The following NAPB variants were observed in gnomAD, a reference collection of about 807,000 sequenced individuals.
The protein encoded by NAPB is beta-soluble NSF attachment protein.
NAPB carries 26 observed loss-of-function variants against 44.7 expected under a neutral mutation model. The ratio of observed to expected loss-of-function variants is 0.58; its 90% confidence interval spans 0.43 to 0.81. NAPB has a LOEUF of 0.81. Among genes scored for constraint, NAPB ranks in the 30% least tolerant of loss-of-function variants. NAPB has a pLI of 0.00. For missense variants in NAPB, 315 were observed against 356.4 expected (o/e 0.88, Z 0.94); for synonymous variants, 120 against 116.8 (o/e 1.03, Z -0.18).
chr20:23,390,341 T>C (rs1983855678), intron 5 of NAPB, 77 bp from the exon 6 acceptor site: 3 of 1,255,708 alleles, frequency 2.4e-6, no homozygotes, highest in Middle Eastern at 1.9e-4. Flanking sequence ...CATAGGTATT[T>C]TTCCATAAAT....
At position 23,421,247 on chromosome 20, in the gene NAPB, G is replaced by A. The variant is rs1040323407; in HGVS notation, c.98+58C>T. ...GGGACTCGGGGGGTCAGCCTGAAAG[G>A]AAGGGGGCCAAGTACGGAGACCCCC... On this transcript the variant is annotated intron_variant, in intron 1 of 10. Coordinates refer to ENST00000377026, the MANE Select transcript of NAPB (RefSeq NM_022080.3). 5 of 1,430,716 alleles carry A rather than the reference G, an allele frequency of 3.5e-6. No homozygotes were observed. In the African/African-American group the frequency reaches 5.1e-5, roughly 15 times the overall value. The allele number at this position is 1,430,716 out of a possible 1,614,324, so 88.6% of individuals were successfully genotyped here. A position where few individuals can be genotyped will look rare whatever the true frequency, so the allele number is the denominator to read the frequency against.
intron 7 of NAPB, among the ~76,000 whole-genome samples, chr20:23,387,649 A>T (rs1008590587): frequency 2.0e-5 from 3 of 152,262 alleles, no homozygotes; most frequent in African/African-American, 7.2e-5. Context: ...GCGTCAAAAA[A>T]AAAATAAAAT....
At chr20:23,392,023 G>T (rs1983996719) in intron 5 of NAPB, among the ~76,000 whole-genome samples, 1 of 152,190 alleles carries the variant, frequency 6.6e-6, no homozygotes, top group Non-Finnish European at 1.5e-5. Context: ...AACAAAACAG[G>T]CCATGGAACT....
chr20:23,402,783 G>GCTT (rs1365359550), intron 2 of NAPB, among the ~76,000 whole-genome samples: 28 of 152,138 alleles, frequency 1.8e-4, no homozygotes, highest in Non-Finnish European at 5.9e-5. Context: ...CTGTCCCTGT[G>GCTT]CTTAAACTTA....
chr20:23,382,122 G>C (rs1983057253), intron 7 of NAPB, among the ~76,000 whole-genome samples: 1 of 152,170 alleles, frequency 6.6e-6, no homozygotes, highest in South Asian at 2.1e-4. Flanking sequence ...GTCTAGTGGA[G>C]GGTGAAGACT....
chr20:23,379,814 T>G, intron 9 of NAPB, 53 bp downstream of exon 9: 1 of 1,335,160 alleles, frequency 7.5e-7, no homozygotes, highest in Non-Finnish European at 1.1e-6. Flanking sequence ...CACTTAGGTG[T>G]TGTCACCTAA....
chr20:23,390,056 G>A (rs764206188), intron 6 of NAPB, 26 bp from the exon 7 acceptor site: 3 of 1,610,830 alleles, frequency 1.9e-6, no homozygotes, highest in Non-Finnish European at 2.5e-6. Context: ...AAAGCAGAGT[G>A]AGTAACAAGT....
intron 2 of NAPB, among the ~76,000 whole-genome samples, chr20:23,398,386 T>C (rs575262022): frequency 3.2e-4 from 49 of 152,294 alleles, no homozygotes; most frequent in African/African-American, 1.2e-3. Flanking sequence ...TTTCTTTTTT[T>C]CAAGACAGGG....
chr20:23,412,326 T>C (rs1395042768), intron 1 of NAPB, among the ~76,000 whole-genome samples: 1 of 152,202 alleles, frequency 6.6e-6, no homozygotes, highest in Non-Finnish European at 1.5e-5. Context: ...ACAGACAGCA[T>C]GTATGATCCT....
intron 1 of NAPB, among the ~76,000 whole-genome samples, chr20:23,405,329 A>T (rs67120955): frequency 2.7e-4 from 22 of 80,106 alleles, no homozygotes; most frequent in African/African-American, 8.1e-4. Context: ...GAGAGAGAGA[A>T]AGAAAGAAAG....
intron 5 of NAPB, 139 bp downstream of exon 5, chr20:23,394,783 G>A (rs1984229301): frequency 1.4e-6 from 1 of 725,832 alleles, no homozygotes. Context: ...CCAGCTAGTA[G>A]ACTTTGCCAG....
chr20:23,383,442 C>T (rs1366854600), intron 7 of NAPB, among the ~76,000 whole-genome samples: 3 of 151,974 alleles, frequency 2.0e-5, no homozygotes, highest in African/African-American at 7.3e-5. Context: ...GCCGACTAGG[C>T]GTTGTGGCTC....
intron 5 of NAPB, among the ~76,000 whole-genome samples, chr20:23,393,595 C>T (rs1984132614): frequency 6.6e-6 from 1 of 152,144 alleles, no homozygotes; most frequent in Admixed American, 6.5e-5. Context: ...TCTGCTGACA[C>T]GTGTGCCCAA....
chr20:23,389,085 GA>G (rs1214889892), intron 7 of NAPB, among the ~76,000 whole-genome samples: 1 of 151,938 alleles, frequency 6.6e-6, no homozygotes, highest in African/African-American at 2.4e-5. Context: ...AAAATCCGGA[GA>G]AAGTACTGGA....
chr20:23,381,477 T>C (rs1344925681), intron 7 of NAPB, among the ~76,000 whole-genome samples, 160 bp from the exon 8 acceptor site: 1 of 152,218 alleles, frequency 6.6e-6, no homozygotes, highest in Non-Finnish European at 1.5e-5. Flanking sequence ...GAAATTTTAC[T>C]AGACAAGACC....
intron 1 of NAPB, among the ~76,000 whole-genome samples, chr20:23,414,037 T>A (rs947840588): frequency 4.6e-5 from 7 of 152,148 alleles, no homozygotes; most frequent in Non-Finnish European, 7.4e-5. Flanking sequence ...AAAAACAGAA[T>A]CTAGGCCAGG....
intron 1 of NAPB, among the ~76,000 whole-genome samples, chr20:23,416,799 G>A (rs921902162): frequency 3.3e-5 from 5 of 152,082 alleles, no homozygotes; most frequent in East Asian, 3.8e-4. Context: ...GTTATCACAT[G>A]GCCCCACCAT....
At chr20:23,407,004 T>C (rs1159075336) in intron 1 of NAPB, among the ~76,000 whole-genome samples, 1 of 152,162 alleles carries the variant, frequency 6.6e-6, no homozygotes, top group Admixed American at 6.5e-5. Flanking sequence ...GAAGAGAAAA[T>C]GGCATCTAGA....
intron 1 of NAPB, among the ~76,000 whole-genome samples, chr20:23,419,365 T>C (rs772830876): frequency 2.0e-5 from 3 of 152,240 alleles, no homozygotes; most frequent in Non-Finnish European, 2.9e-5. Flanking sequence ...AAAAGGGAGA[T>C]GTTTCTTTAA....
Sources: gnomAD v4.1 joint callset for allele counts (sites outside exome capture counted in the v4.1 genomes callset) on GRCh38, gnomAD v4.1.1 for gene constraint, MANE v1.5 for transcripts, NCBI Gene and HGNC (gene_info 2026-07-23, HGNC 2026-07-21) for gene names.